Variants in CHST8 observed in about 807,000 individuals in gnomAD.
CHST8 encodes the protein GALNAC-4-ST1.
In CHST8, 10 loss-of-function variants were observed where a neutral mutation model predicts 15.0. The ratio of observed to expected loss-of-function variants is 0.67; its 90% CI spans 0.41 to 1.13. The LOEUF is 1.13. Ranked by LOEUF, CHST8 falls within the 50% of genes most tolerant of loss-of-function variation. The pLI is 0.00. For synonymous variants in CHST8, 259 were observed against 256.6 expected, an observed-to-expected ratio of 1.01 and a Z score of -0.09; for missense variants, 634 against 608.2, an observed-to-expected ratio of 1.04 and a Z score of -0.45.
In CHST8 at chr19:33,672,989, T is replaced by C. The variant is rs763266213; in HGVS notation, c.-87+5146T>C. On this transcript the variant is annotated intron_variant, in intron 2 of 4. Coordinates refer to ENST00000650847, the MANE Select transcript of CHST8 (RefSeq NM_001127895.2). ...AGGTCCACCACTCCCTGTGACCCCA[T>C]GAGATTCCCCAAATCCTCAGAAGGG... is the stretch of plus-strand genomic sequence containing the variant. 3.9e-5 allele frequency among the ~76,000 whole-genome samples: 6 copies of C among 152,292 alleles called. No homozygotes were observed. In the East Asian group the frequency reaches 1.2e-3, roughly 29 times the overall value.
Position 33,673,434 on chromosome 19 carries a change from A to T in CHST8, c.-87+5591A>T, listed in dbSNP as rs566743788. On this transcript the variant is annotated intron_variant, in intron 2 of 4. Coordinates refer to ENST00000650847, the MANE Select transcript of CHST8 (RefSeq NM_001127895.2). ...GGGAGCCAGGGACCCTGGGTGGGGC[A>T]GGGGGAGTGGTGGAGGCCAGAGAAT... 2.3e-4 allele frequency among the ~76,000 whole-genome samples: 35 copies of T among 152,302 alleles called. No individual in the cohort carries two copies. In the South Asian group the frequency reaches 7.3e-3, roughly 32 times the overall value.
chr19:33,744,729 T>G (rs964229788), intron 3 of CHST8, among the ~76,000 whole-genome samples: 2 of 152,074 alleles, frequency 1.3e-5, no homozygotes, highest in Admixed American at 6.6e-5. Context: ...AACCCCCACC[T>G]AATTAATTAA....
At chr19:33,633,774 C>CTT (rs370027149) in intron 1 of CHST8, among the ~76,000 whole-genome samples, 8 of 141,080 alleles carry the variant, frequency 5.7e-5, no homozygotes, top group African/African-American at 2.1e-4. Context: ...TTTTCTTTTT[C>CTT]GTGTGTGTGT....
Position 33,773,371 on chromosome 19 carries a change from G to T in CHST8, c.*308G>T. On this transcript the variant is annotated 3_prime_UTR_variant, in exon 5 of 5. Transcript: ENST00000650847. Reference sequence around the variant, plus strand: ...GGAAGTCTGAGGCCCAGAGGACGGGGGGCCCAGCGGTAAGGGATGTCCCGC... The same window carrying T: ...GGAAGTCTGAGGCCCAGAGGACGGGTGGCCCAGCGGTAAGGGATGTCCCGC... 1 of 415,222 alleles carries T rather than the reference G, an allele frequency of 2.4e-6. No homozygotes were observed. Among genetic ancestry groups the T allele is most frequent in the Non-Finnish European group, 4.3e-6 (1 of 231,172 alleles). The allele number at this position is 415,222 out of a possible 1,614,324, so 25.7% of individuals were successfully genotyped here.
chr19:33,721,323 G>A (rs566653741), intron 3 of CHST8, among the ~76,000 whole-genome samples: 7 of 152,226 alleles, frequency 4.6e-5, no homozygotes, highest in South Asian at 2.1e-4. Flanking sequence ...CTCTGAGATC[G>A]GGCATCCTCC....
intron 3 of CHST8, among the ~76,000 whole-genome samples, chr19:33,759,194 C>A (rs1728056287): frequency 6.6e-6 from 1 of 152,238 alleles, no homozygotes; most frequent in Non-Finnish European, 1.5e-5. Context: ...GGACGAATGT[C>A]CAAACTACAT....
chr19:33,704,214 T>C (rs1396632523), intron 3 of CHST8, among the ~76,000 whole-genome samples: 2 of 152,198 alleles, frequency 1.3e-5, no homozygotes, highest in Non-Finnish European at 2.9e-5. Flanking sequence ...CATCTGGTTG[T>C]GTCCAAAGGT....
intron 3 of CHST8, among the ~76,000 whole-genome samples, chr19:33,739,814 C>A (rs1363300251): frequency 6.6e-6 from 1 of 152,126 alleles, no homozygotes; most frequent in Non-Finnish European, 1.5e-5. Flanking sequence ...AGGCTCTGGG[C>A]ATCTCTCAAA....
At chr19:33,747,834 AT>A (rs1008068167) in intron 3 of CHST8, among the ~76,000 whole-genome samples, 6 of 151,666 alleles carry the variant, frequency 4.0e-5, no homozygotes, top group South Asian at 2.1e-4. Flanking sequence ...AAGCTTTGAG[AT>A]TTTTTTTTAA....
chr19:33,753,156 C>T (rs1179928261), intron 3 of CHST8, among the ~76,000 whole-genome samples: 4 of 151,968 alleles, frequency 2.6e-5, no homozygotes, highest in African/African-American at 4.8e-5. Flanking sequence ...CACTCTTGCC[C>T]GTGGGAACGG....
At chr19:33,738,977 C>T (rs1182630134) in intron 3 of CHST8, among the ~76,000 whole-genome samples, 1 of 152,092 alleles carries the variant, frequency 6.6e-6, no homozygotes, top group Non-Finnish European at 1.5e-5. Flanking sequence ...AGGATTAAAG[C>T]CGGGAGGACC....
intron 1 of CHST8, among the ~76,000 whole-genome samples, chr19:33,632,790 A>G (rs1171268945): frequency 1.3e-5 from 2 of 151,850 alleles, no homozygotes; most frequent in Non-Finnish European, 2.9e-5. Context: ...TGTGTTTGAG[A>G]TACAGTCTCA....
Position 33,772,064 on chromosome 19 carries a change from T to C in CHST8, c.276T>C (p.Pro92=), listed in dbSNP as rs1198466401. The change falls in exon 5 of 5, where the codon CCT becomes CCC. Residue 92 remains proline (P), a synonymous_variant. Coordinates refer to ENST00000650847, the MANE Select transcript of CHST8 (RefSeq NM_001127895.2). ...GAPRGRNLPA[P]DQPQPPLQRG... is the part of the protein sequence containing the mutation. ...CGAGGGGCCGCAACCTGCCAGCGCCTGACCAGCCTCAACCCCCGCTGCAGA... is the reference window on the plus strand; with the variant it reads ...CGAGGGGCCGCAACCTGCCAGCGCCCGACCAGCCTCAACCCCCGCTGCAGA... 1.2e-6 allele frequency: 2 copies of C among 1,612,432 alleles called. No homozygotes were observed. The highest frequency in any genetic ancestry group is 8.5e-7 in the Non-Finnish European group (1 of 1,179,792).
At position 33,772,483 on chromosome 19, in the gene CHST8, C is replaced by G. The variant is rs754427402; in HGVS notation, c.695C>G (p.Ala232Gly). Residue 232 changes from alanine to glycine, a missense_variant, in exon 5 of 5, where the codon GCT becomes GGT. Ala to Gly is a moderately conservative substitution (Grantham distance 60). Coordinates refer to ENST00000650847, the MANE Select transcript of CHST8 (RefSeq NM_001127895.2). ...IQHNTVHYGS[A>G]LKRLDTFDRQ... ...CACAACACCGTCCACTATGGCAGCGCTCTCAAGCGCCTGGACACCTTCGAC... is the reference window on the plus strand; with the variant it reads ...CACAACACCGTCCACTATGGCAGCGGTCTCAAGCGCCTGGACACCTTCGAC... The G allele has an allele frequency of 6.2e-7, 1 of 1,613,586 alleles. No individual in the cohort carries two copies. Among genetic ancestry groups the G allele is most frequent in the Non-Finnish European group, 8.5e-7 (1 of 1,180,024 alleles).
At chr19:33,749,151 C>T (rs1243511420) in intron 3 of CHST8, among the ~76,000 whole-genome samples, 1 of 152,110 alleles carries the variant, frequency 6.6e-6, no homozygotes, top group African/African-American at 2.4e-5. Flanking sequence ...TCCCCCACCT[C>T]ACCACAGGTC....
chr19:33,718,628 G>T (rs557643593), intron 3 of CHST8, among the ~76,000 whole-genome samples: 4 of 152,178 alleles, frequency 2.6e-5, no homozygotes, highest in Non-Finnish European at 4.4e-5. Flanking sequence ...TCATTACCAT[G>T]GGCCCCTCTG....
At chr19:33,766,560 A>T (rs1429531397) in intron 3 of CHST8, among the ~76,000 whole-genome samples, 1 of 152,186 alleles carries the variant, frequency 6.6e-6, no homozygotes, top group East Asian at 1.9e-4. Flanking sequence ...TAATGGGGGC[A>T]TGGAAGCAGC....
At chr19:33,630,187 C>T (rs371506674) in intron 1 of CHST8, among the ~76,000 whole-genome samples, 6 of 152,334 alleles carry the variant, frequency 3.9e-5, no homozygotes, top group African/African-American at 1.4e-4. Flanking sequence ...AAACACTGAC[C>T]CTGACCTGCC....
At chr19:33,711,447 T>A (rs1973547743) in intron 3 of CHST8, among the ~76,000 whole-genome samples, 1 of 152,156 alleles carries the variant, frequency 6.6e-6, no homozygotes, top group Non-Finnish European at 1.5e-5. Flanking sequence ...TGTGGCCTGG[T>A]GTAATTATTA....
Sources: gnomAD v4.1 joint callset for allele counts (sites outside exome capture counted in the v4.1 genomes callset) on GRCh38, gnomAD v4.1.1 for gene constraint, MANE v1.5 for transcripts, NCBI Gene and HGNC (gene_info 2026-07-23, HGNC 2026-07-21) for gene names.